Variants in MDM1 observed in about 807,000 individuals in gnomAD.
MDM1 encodes the protein stabilizer of axonemal microtubules 6, also known as Mdm1 nuclear protein.
MDM1 carries 61 observed loss-of-function variants against 89.1 expected under a neutral mutation model. The ratio of observed to expected loss-of-function variants is 0.68; its 90% CI spans 0.56 to 0.85. MDM1 has a LOEUF of 0.85. Among genes scored for constraint, MDM1 ranks in the 40% least tolerant of loss-of-function variants. The pLI is 0.00. For synonymous variants in MDM1, 290 were observed against 294.1 expected (o/e 0.99, Z 0.14); for missense variants, 820 against 846.5 (o/e 0.97, Z 0.39).
intron 5 of MDM1, among the ~76,000 whole-genome samples, chr12:68,321,873 G>C (rs1312708800): frequency 1.3e-5 from 2 of 152,112 alleles, no homozygotes; most frequent in African/African-American, 4.8e-5. Context: ...AAAGATTTTA[G>C]ATCTTTGGCT....
chr12:68,302,787 T>A lies in MDM1; in HGVS notation c.1835A>T (p.Glu612Val). The A allele has an allele frequency of 3.1e-6, 5 of 1,612,474 alleles. No individual in the cohort carries two copies. The highest frequency in any genetic ancestry group is 4.2e-6 in the Non-Finnish European group (5 of 1,179,888). The change falls in exon 13 of 15, where the codon GAA (glutamate) becomes GTA (valine). Residue 612 changes from glutamate to valine, a missense_variant. Coordinates refer to ENST00000682720, the MANE Select transcript of MDM1 (RefSeq NM_001354969.2). The stretch of plus-strand genomic sequence containing the variant: ...CTCAGCAAATTTGTGGATATTGTCT[T>A]CAGAATCTTCCCGCAAAGGCAGAGG... ...VDPLPLREDSEDNIHKFAEAT... is the reference protein window; with the variant it reads ...VDPLPLREDSVDNIHKFAEAT...
chr12:68,327,382 G>A, intron 2 of MDM1: 3 of 1,535,020 alleles, frequency 2.0e-6, no homozygotes, highest in Non-Finnish European at 2.6e-6. Context: ...CTACTTAACA[G>A]AACAATGGGC....
At chr12:68,306,885 G>C (rs762229379) in intron 12 of MDM1, among the ~76,000 whole-genome samples, 1 of 152,140 alleles carries the variant, frequency 6.6e-6, no homozygotes, top group Non-Finnish European at 1.5e-5. Flanking sequence ...AAAAAGACCT[G>C]CACTCATAGG....
chr12:68,309,478 A>C (rs1873389970), intron 12 of MDM1, among the ~76,000 whole-genome samples: 1 of 152,194 alleles, frequency 6.6e-6, no homozygotes, highest in Non-Finnish European at 1.5e-5. Flanking sequence ...GGTGTGATTA[A>C]CATGTATCTC....
At chr12:68,316,024 T>C (rs915279139) in intron 9 of MDM1, 54 bp downstream of exon 9, 10 of 1,455,788 alleles carry the variant, frequency 6.9e-6, no homozygotes, top group Non-Finnish European at 9.3e-6. Context: ...TATCATTCTA[T>C]GATCTACATA....
chr12:68,297,326 G>A (rs974495938), intron 13 of MDM1, among the ~76,000 whole-genome samples: 1 of 152,162 alleles, frequency 6.6e-6, no homozygotes, highest in Non-Finnish European at 1.5e-5. Context: ...TTAAATACAC[G>A]CATTTACAAG....
At chr12:68,323,774 CCACTG>C (rs1296282688) in intron 4 of MDM1, among the ~76,000 whole-genome samples, 1 of 152,170 alleles carries the variant, frequency 6.6e-6, no homozygotes, top group Admixed American at 6.5e-5. Flanking sequence ...CGGCATATTA[CCACTG>C]ATTACAAGGA....
At chr12:68,299,365 G>C (rs1871840937) in intron 13 of MDM1, among the ~76,000 whole-genome samples, 1 of 151,810 alleles carries the variant, frequency 6.6e-6, no homozygotes, top group African/African-American at 2.4e-5. Context: ...CCAGAGAAAG[G>C]TGAAAACCAA....
chr12:68,313,246 A>C (rs1440499779), intron 12 of MDM1, among the ~76,000 whole-genome samples, 197 bp downstream of exon 12: 1 of 152,224 alleles, frequency 6.6e-6, no homozygotes, highest in African/African-American at 2.4e-5. Flanking sequence ...GACAAGGTTG[A>C]AAGTGTATCA....
chr12:68,327,408 ATTTGGAACTT>A (rs1261781937), intron 2 of MDM1: 3 of 1,535,650 alleles, frequency 2.0e-6, no homozygotes, highest in Admixed American at 3.9e-5. Flanking sequence ...TACTGTCAAA[ATTTGGAACTT>A]TTCACAAAGC....
At chr12:68,302,987 A>ACAAC in intron 12 of MDM1, 115 bp from the exon 13 acceptor site, 7 of 867,510 alleles carry the variant, frequency 8.1e-6, no homozygotes, top group Non-Finnish European at 1.2e-5. Flanking sequence ...GAAATATGAG[A>ACAAC]GAATTTATGC....
chr12:68,321,569 G>C lies in MDM1; in HGVS notation c.861C>G (p.His287Gln), dbSNP rs150503078. The change falls in exon 6 of 15, where the codon CAC becomes CAG. Residue 287 changes from histidine (H) to glutamine (Q), a missense_variant. Transcript: ENST00000682720. The part of the protein sequence containing the change: ...LEAEMELKDL[H>Q]QPKRKLTPWK... ...AAGGAGTAAGCTTCCTTTTAGGCTG[G>C]TGTAAGTCTTTTAATTCCATCTCTG... is the stretch of plus-strand genomic sequence containing the variant. 1 of 1,613,144 alleles carries C rather than the reference G, an allele frequency of 6.2e-7. No individual in the cohort carries two copies. Among genetic ancestry groups the C allele is most frequent in the South Asian group, 1.1e-5 (1 of 90,972 alleles).
chr12:68,316,483 T>C (rs1466010267), intron 8 of MDM1, 98 bp downstream of exon 8: 1 of 1,050,716 alleles, frequency 9.5e-7, no homozygotes, highest in Non-Finnish European at 1.4e-6. Context: ...GAGAAATTCA[T>C]AGCAGCTAAG....
chr12:68,315,508 T>G (rs1874371652), intron 9 of MDM1, among the ~76,000 whole-genome samples: 1 of 152,254 alleles, frequency 6.6e-6, no homozygotes, highest in South Asian at 2.1e-4. Context: ...TACTCCTACC[T>G]TCACATATGC....
intron 10 of MDM1, 76 bp downstream of exon 10, chr12:68,314,872 C>G: frequency 2.4e-6 from 3 of 1,243,678 alleles, no homozygotes. Flanking sequence ...AAGAGTAAAC[C>G]ACTATATTTA....
At chr12:68,327,219 A>G in intron 2 of MDM1, 198 bp from the exon 3 acceptor site, 5 of 1,402,274 alleles carry the variant, frequency 3.6e-6, no homozygotes, top group Non-Finnish European at 4.6e-6. Context: ...TTTTGCTTTT[A>G]AAAGCATTAA....
At position 68,302,732 on chromosome 12, in the gene MDM1, T is replaced by G; in HGVS notation, c.1890A>C (p.Lys630Asn). 6.2e-6 allele frequency: 10 copies of G among 1,614,084 alleles called. No homozygotes were observed. The highest frequency in any genetic ancestry group is 8.5e-6 in the Non-Finnish European group (10 of 1,179,990). Reference protein sequence around the residue: ...EATLPVSKIPKYPTNPPGQLP... With the variant: ...EATLPVSKIPNYPTNPPGQLP... ...ACTGTCCAGGGGGATTTGTTGGGTA[T>G]TTTGGAATTTTTGAAACTGGAAGAG... The change falls in exon 13 of 15, where the codon AAA becomes AAC. Residue 630 changes from lysine to asparagine, a missense_variant. Coordinates refer to ENST00000682720, the MANE Select transcript of MDM1 (RefSeq NM_001354969.2).
At chr12:68,310,529 A>T (rs1053292283) in intron 12 of MDM1, among the ~76,000 whole-genome samples, 1 of 152,200 alleles carries the variant, frequency 6.6e-6, no homozygotes, top group Non-Finnish European at 1.5e-5. Context: ...CTGGATTTCT[A>T]AGGAGGAGTA....
rs764548808 is a variant in MDM1 at position 68,325,419 on chromosome 12, T to C, written c.633+22A>G. Reference sequence around the variant, plus strand: ...TAGATAAGATAATGGTACTCAGAAATGTATTACATCCATTAAGCTACCTGA... The same window carrying C: ...TAGATAAGATAATGGTACTCAGAAACGTATTACATCCATTAAGCTACCTGA... On this transcript the variant is annotated intron_variant, in intron 4 of 14. Transcript: ENST00000682720. 2.6e-5 allele frequency: 38 copies of C among 1,486,136 alleles called. No individual in the cohort carries two copies. In the South Asian group the frequency reaches 5.7e-4, roughly 22 times the overall value. 92.1% of individuals were successfully genotyped at this position (1,486,136 alleles called of 1,614,324 possible).
Sources: gnomAD v4.1 joint callset for allele counts (sites outside exome capture counted in the v4.1 genomes callset) on GRCh38, gnomAD v4.1.1 for gene constraint, MANE v1.5 for transcripts, NCBI Gene and HGNC (gene_info 2026-07-23, HGNC 2026-07-21) for gene names.